Variants in UBA2 observed in about 807,000 individuals in gnomAD.
The protein encoded by UBA2 is ubiquitin like modifier activating enzyme 2, also known as SUMO-activating enzyme subunit 2.
A neutral mutation model predicts 77.2 loss-of-function variants in UBA2; 11 were observed. The observed-to-expected ratio is 0.14, with a 90% confidence interval of 0.09 to 0.24. The LOEUF (loss-of-function observed/expected upper bound fraction) is 0.24, where lower values mean the gene tolerates loss of function less well. Among genes scored for constraint, UBA2 ranks in the 10% least tolerant of loss-of-function variants. The pLI, the probability that UBA2 is intolerant of heterozygous loss-of-function variation, is 1.00. For synonymous variants in UBA2, 278 were observed against 276.7 expected (o/e 1.00, Z -0.05); for missense variants, 487 against 781.7 (o/e 0.62, Z 4.50).
Position 34,460,530 on chromosome 19 carries a change from A to G in UBA2, c.1462A>G (p.Thr488Ala). Reference protein sequence around the residue: ...PDVQIEDGKGTILISSEEGET... With the variant: ...PDVQIEDGKGAILISSEEGET... ...TGTCCAAATTGAAGATGGGAAAGGAACAATCCTAATATCTTCCGAAGAGGG... is the reference window on the plus strand; with the variant it reads ...TGTCCAAATTGAAGATGGGAAAGGAGCAATCCTAATATCTTCCGAAGAGGG... The change falls in exon 14 of 17, where the codon ACA becomes GCA. Residue 488 changes from threonine to alanine, a missense_variant. Coordinates refer to ENST00000246548, the MANE Select transcript of UBA2 (RefSeq NM_005499.3). 6.2e-7 allele frequency: 1 copy of G among 1,612,346 alleles called. No individual in the cohort carries two copies. Among genetic ancestry groups the G allele is most frequent in the Non-Finnish European group, 8.5e-7 (1 of 1,179,210 alleles).
rs117346150 is a variant in UBA2, at chr19:34,454,438, T to C, written c.1133-6T>C. On this transcript the variant is annotated splice_region_variant and splice_polypyrimidine_tract_variant and intron_variant, in intron 11 of 16. Transcript: ENST00000246548. Reference sequence around the variant, plus strand: ...AAACATACTCATCCTTTTTTTTTTTTCCCAGCAATGGCAGGGAACATTATT... The same window carrying C: ...AAACATACTCATCCTTTTTTTTTTTCCCCAGCAATGGCAGGGAACATTATT... The C allele has an allele frequency of 4.1e-4, 641 of 1,561,120 alleles. 4 individuals are homozygous for C. The East Asian group carries it at 8.2e-3, about 20-fold the overall frequency.
chr19:34,428,422 G>A lies in UBA2; in HGVS notation c.-11G>A. The A allele has an allele frequency of 1.6e-6, 2 of 1,255,954 alleles. No individual in the cohort carries two copies. The highest frequency in any genetic ancestry group is 1.0e-6 in the Non-Finnish European group (1 of 999,056). 77.8% of individuals were successfully genotyped at this position (1,255,954 alleles called of 1,614,324 possible). A position where few individuals can be genotyped will look rare whatever the true frequency, so the allele number is the denominator to read the frequency against. On this transcript the variant is annotated 5_prime_UTR_variant, in exon 1 of 17. Coordinates refer to ENST00000246548, the MANE Select transcript of UBA2 (RefSeq NM_005499.3). ...GCCTCCGCCTCCGCCGCGGCTCGTG[G>A]TTGTCCCGCCATGGCACTGTCGCGG... is the stretch of plus-strand genomic sequence containing the variant.
At chr19:34,444,855 G>T in intron 7 of UBA2, 145 bp from the exon 8 acceptor site, 2 of 770,978 alleles carry the variant, frequency 2.6e-6, no homozygotes, top group Non-Finnish European at 4.1e-6. Flanking sequence ...GCTGATGAAT[G>T]TGTTATTTTC....
chr19:34,432,007 C>CT, intron 3 of UBA2, 76 bp downstream of exon 3: 4 of 1,120,250 alleles, frequency 3.6e-6, no homozygotes, highest in East Asian at 2.5e-5. Context: ...AGTCATTCAG[C>CT]TTTTTTAAAA....
chr19:34,447,540 G>A (rs915766582), intron 8 of UBA2, among the ~76,000 whole-genome samples: 1 of 152,218 alleles, frequency 6.6e-6, no homozygotes, highest in East Asian at 1.9e-4. Context: ...AAAATCTGAA[G>A]TGCATCTCCA....
In UBA2 at chr19:34,467,146, G is replaced by A. The variant is rs542053673; in HGVS notation, c.1741+132G>A. 61 of 1,096,598 alleles carry A rather than the reference G, an allele frequency of 5.6e-5. No individual in the cohort carries two copies. In the African/African-American group the frequency reaches 9.5e-4, roughly 17 times the overall value. The allele number at this position is 1,096,598 out of a possible 1,614,324, so 67.9% of individuals were successfully genotyped here. A position where few individuals can be genotyped will look rare whatever the true frequency, so the allele number is the denominator to read the frequency against. Reference sequence around the variant, plus strand: ...GTGTATTGGTTTGGTATTGATTGTTGTAATGGAGCTTTGAATTTATGAACC... The same window carrying A: ...GTGTATTGGTTTGGTATTGATTGTTATAATGGAGCTTTGAATTTATGAACC... On this transcript the variant is annotated intron_variant, in intron 16 of 16. Coordinates refer to ENST00000246548, the MANE Select transcript of UBA2 (RefSeq NM_005499.3).
At chr19:34,441,390 G>C (rs2145510316) in intron 6 of UBA2, among the ~76,000 whole-genome samples, 1 of 152,174 alleles carries the variant, frequency 6.6e-6, no homozygotes, top group Non-Finnish European at 1.5e-5. Flanking sequence ...GGGAGGCGGA[G>C]GTTGCAGTGA....
chr19:34,441,589 G>T (rs1249908068), intron 6 of UBA2, among the ~76,000 whole-genome samples: 1 of 152,164 alleles, frequency 6.6e-6, no homozygotes, highest in Non-Finnish European at 1.5e-5. Flanking sequence ...TTTGCACTCA[G>T]AAAAGTATAC....
rs1020241398 is a variant in UBA2, at chr19:34,433,191, G to C, written c.294-157G>C. On this transcript the variant is annotated intron_variant, in intron 3 of 16. Transcript: ENST00000246548. ...AATAATTTCTTTAAAATCTGCTTAT[G>C]TTTGGAAAGAGTCAAACCTTACTAT... The C allele has an allele frequency of 5.5e-6, 3 of 545,900 alleles. No homozygotes were observed. The Admixed American group carries it at 1.1e-4, about 19-fold the overall frequency. The allele number at this position is 545,900 out of a possible 1,614,324, so 33.8% of individuals were successfully genotyped here. A position where few individuals can be genotyped will look rare whatever the true frequency, so the allele number is the denominator to read the frequency against.
chr19:34,457,175 A>ATATATATATAT (rs1226463566), intron 12 of UBA2, among the ~76,000 whole-genome samples: 7 of 77,996 alleles, frequency 9.0e-5, no homozygotes, highest in South Asian at 1.1e-3. Context: ...CTAAAAAAAA[A>ATATATATATAT]AAAAATATAT....
chr19:34,471,111 C>T lies in UBA2; in HGVS notation c.*1890C>T, dbSNP rs2075729425. ...TCAGAGGGCTTTGCCTGTTAGGGTA[C>T]TCTTATCACTCAGAGATGGGCCTTG... On this transcript the variant is annotated 3_prime_UTR_variant, in exon 17 of 17. Transcript: ENST00000246548. 2 of 152,216 alleles carry T rather than the reference C, an allele frequency of 1.3e-5. No homozygotes were observed. The highest frequency in any genetic ancestry group is 4.1e-4 in the South Asian group (2 of 4,832). The allele number at this position is 152,216 out of a possible 1,614,324, so 9.4% of individuals were successfully genotyped here. A position where few individuals can be genotyped will look rare whatever the true frequency, so the allele number is the denominator to read the frequency against.
At chr19:34,458,192 C>CG (rs1555730932) in intron 12 of UBA2, among the ~76,000 whole-genome samples, 3 of 152,086 alleles carry the variant, frequency 2.0e-5, no homozygotes, top group Non-Finnish European at 4.4e-5. Context: ...CAGAAGAACG[C>CG]GGAGTCTTAT....
intron 2 of UBA2, 25 bp downstream of exon 2, chr19:34,430,684 C>A: frequency 6.4e-7 from 1 of 1,568,352 alleles, no homozygotes; most frequent in Non-Finnish European, 8.8e-7. Flanking sequence ...CATACCATTT[C>A]TATAACTTGA....
chr19:34,437,395 A>G (rs916294016), intron 5 of UBA2, among the ~76,000 whole-genome samples: 2 of 150,928 alleles, frequency 1.3e-5, no homozygotes, highest in Non-Finnish European at 3.0e-5. Context: ...GGATCACCTG[A>G]GGTAAGGAGT....
chr19:34,466,742 A>G (rs904252520), intron 15 of UBA2, 136 bp from the exon 16 acceptor site: 3 of 659,490 alleles, frequency 4.5e-6, no homozygotes, highest in South Asian at 7.2e-5. Flanking sequence ...TTTTTTTTAA[A>G]TAAAAATTAA....
intron 6 of UBA2, among the ~76,000 whole-genome samples, chr19:34,441,892 A>G (rs995828744): frequency 4.0e-5 from 6 of 150,428 alleles, no homozygotes; most frequent in Admixed American, 1.3e-4. Flanking sequence ...CTGCACTCCA[A>G]CCTGGGGGAC....
chr19:34,448,009 G>A (rs2075450161), intron 8 of UBA2, among the ~76,000 whole-genome samples: 1 of 152,166 alleles, frequency 6.6e-6, no homozygotes, highest in Admixed American at 6.5e-5. Flanking sequence ...GATGACTGGA[G>A]AGAGAAGTTG....
rs2075573594 is a variant in UBA2 at position 34,457,176 on chromosome 19, AAAAAT to A, written c.1246-1591_1246-1587del. On this transcript the variant is annotated intron_variant, in intron 12 of 16. Coordinates refer to ENST00000246548, the MANE Select transcript of UBA2 (RefSeq NM_005499.3). ...AAACCTGGTCTCTACTAAAAAAAAA[AAAAAT>A]ATATATATATATATATATATATATA... Among the ~76,000 whole-genome samples, 4 of 100,182 alleles carry A rather than the reference AAAAAT, an allele frequency of 4.0e-5. No homozygotes were observed. The South Asian group carries it at 1.1e-3, about 28-fold the overall frequency. 65.7% of individuals were successfully genotyped at this position (100,182 alleles called of 152,430 possible). A position where few individuals can be genotyped will look rare whatever the true frequency, so the allele number is the denominator to read the frequency against.
chr19:34,457,177 A>AAAAAATATATATATATATAT (rs2075574167), intron 12 of UBA2, among the ~76,000 whole-genome samples: 1 of 68,506 alleles, frequency 1.5e-5, no homozygotes, highest in Non-Finnish European at 2.5e-5. Flanking sequence ...AAAAAAAAAA[A>AAAAAATATATATATATATAT]AAATATATAT....
Sources: allele counts gnomAD v4.1 joint callset (sites outside exome capture counted in the v4.1 genomes callset), GRCh38; gene constraint gnomAD v4.1.1; transcripts MANE v1.5; gene names NCBI Gene and HGNC (gene_info 2026-07-23, HGNC 2026-07-21).